Variants in SDK1 observed in about 807,000 individuals in gnomAD.
SDK1 encodes sidekick cell adhesion molecule 1, also known as protein sidekick-1.
In SDK1, 157 loss-of-function variants were observed where a neutral mutation model predicts 245.5. That is an observed-to-expected ratio of 0.64 (90% CI 0.56 to 0.73). The LOEUF is 0.73. SDK1 is among the 30% of genes least tolerant of loss of function. The pLI is 0.00. For missense variants in SDK1, 3,583 were observed against 3,002.3 expected (o/e 1.19, Z -4.52); for synonymous variants, 1,647 against 1,278.5 (o/e 1.29, Z -6.15).
At chr7:3,647,321 C>T (rs1454275797) in intron 4 of SDK1, among the ~76,000 whole-genome samples, 1 of 152,128 alleles carries the variant, frequency 6.6e-6, no homozygotes, top group African/African-American at 2.4e-5. Flanking sequence ...TAACGTCTTC[C>T]AAAGACTTCC....
At chr7:3,635,763 G>T (rs1360274423) in intron 2 of SDK1, among the ~76,000 whole-genome samples, 2 of 152,100 alleles carry the variant, frequency 1.3e-5, no homozygotes, top group African/African-American at 2.4e-5. Context: ...CTGGAGTGCA[G>T]TGGCACGATT....
intron 1 of SDK1, among the ~76,000 whole-genome samples, chr7:3,503,598 G>A (rs1476735233): frequency 1.3e-5 from 2 of 152,082 alleles, no homozygotes; most frequent in African/African-American, 4.8e-5. Flanking sequence ...GAACACTAGA[G>A]ACCAGGGGTT....
intron 12 of SDK1, among the ~76,000 whole-genome samples, chr7:3,973,675 G>C (rs1032879240): frequency 6.6e-6 from 1 of 151,836 alleles, no homozygotes; most frequent in Admixed American, 6.6e-5. Flanking sequence ...AGCATTTACC[G>C]GGGCAGGAAT....
intron 1 of SDK1, among the ~76,000 whole-genome samples, chr7:3,357,693 CCT>C (rs1221593347): frequency 2.6e-5 from 4 of 151,926 alleles, no homozygotes; most frequent in Non-Finnish European, 5.9e-5. Context: ...TCCTTTTTCC[CCT>C]GTCTAGGCCC....
intron 40 of SDK1, among the ~76,000 whole-genome samples, chr7:4,231,975 C>A (rs927381622): frequency 6.6e-6 from 1 of 151,754 alleles, no homozygotes; most frequent in Non-Finnish European, 1.5e-5. Context: ...CATAGCTGCA[C>A]CTAGAAAAGC....
intron 17 of SDK1, among the ~76,000 whole-genome samples, chr7:4,022,129 G>A (rs1412020359): frequency 2.6e-5 from 4 of 152,190 alleles, no homozygotes; most frequent in African/African-American, 9.6e-5. Flanking sequence ...TGAAAAGGGA[G>A]TAATTAAAAC....
chr7:3,904,909 C>A (rs568943007), intron 5 of SDK1, among the ~76,000 whole-genome samples: 212 of 151,568 alleles, frequency 1.4e-3, no homozygotes, highest in Non-Finnish European at 2.4e-3. Context: ...AGGAGAATGG[C>A]GTGAACCCGG....
intron 17 of SDK1, among the ~76,000 whole-genome samples, chr7:4,031,119 A>C (rs1393471852): frequency 6.6e-6 from 1 of 152,168 alleles, no homozygotes; most frequent in Non-Finnish European, 1.5e-5. Flanking sequence ...ACGTATATAT[A>C]CATGGACACA....
chr7:4,006,424 C>A (rs531655228), intron 14 of SDK1, among the ~76,000 whole-genome samples: 24 of 152,314 alleles, frequency 1.6e-4, no homozygotes, highest in Non-Finnish European at 3.2e-4. Flanking sequence ...CTTCTACCTC[C>A]CAGCCTCCAA....
In SDK1 at chr7:3,683,899, A is replaced by G. The variant is rs145685333; in HGVS notation, c.713+41794A>G. On this transcript the variant is annotated intron_variant, in intron 4 of 44. Coordinates refer to ENST00000404826, the MANE Select transcript of SDK1 (RefSeq NM_152744.4). ...CATAGGGCTGGGCAAATTGTGGCCT[A>G]GTAACAAAAAATGTGTTGGCCACTC... 1.2e-4 allele frequency among the ~76,000 whole-genome samples: 18 copies of G among 152,362 alleles called. No homozygotes were observed. In the East Asian group the frequency reaches 3.1e-3, roughly 26 times the overall value.
chr7:3,496,274 G>T (rs1294603898), intron 1 of SDK1, among the ~76,000 whole-genome samples: 1 of 152,084 alleles, frequency 6.6e-6, no homozygotes, highest in Non-Finnish European at 1.5e-5. Context: ...GTCTGGTGTG[G>T]AAGCATGTGT....
intron 44 of SDK1, among the ~76,000 whole-genome samples, chr7:4,264,683 AGATCTCTCCTGAGTGGGGAGGCGGTGTG>A (rs1262420687): frequency 6.9e-6 from 1 of 144,442 alleles, no homozygotes; most frequent in Non-Finnish European, 1.5e-5. Context: ...GAGGCTGCGT[AGATCTCTCCTGAGTGGGGAGGCGGTGTG>A]GACCTCTCCT....
intron 1 of SDK1, among the ~76,000 whole-genome samples, chr7:3,375,502 C>T (rs1306926834): frequency 1.3e-5 from 2 of 152,114 alleles, no homozygotes; most frequent in African/African-American, 2.4e-5. Flanking sequence ...GTAGGGCTGA[C>T]CTGTGTAACC....
intron 5 of SDK1, among the ~76,000 whole-genome samples, chr7:3,899,574 C>T (rs1338716432): frequency 3.3e-5 from 5 of 152,334 alleles, no homozygotes; most frequent in Non-Finnish European, 4.4e-5. Context: ...TGGGCCCTCC[C>T]GAGGTGGCAC....
chr7:3,345,951 T>C (rs751880164), intron 1 of SDK1, among the ~76,000 whole-genome samples: 8 of 152,208 alleles, frequency 5.3e-5, no homozygotes, highest in Admixed American at 6.5e-5. Flanking sequence ...ATTCGGTTCT[T>C]GTTTTCTGTC....
At chr7:4,193,397 T>TATAA (rs1491542284) in intron 35 of SDK1, among the ~76,000 whole-genome samples, 18 of 64,230 alleles carry the variant, frequency 2.8e-4, no homozygotes, top group African/African-American at 9.2e-4. Context: ...TATATATATA[T>TATAA]AAAGGGGAGT....
At chr7:4,068,128 C>A (rs1175387172) in intron 20 of SDK1, among the ~76,000 whole-genome samples, 192 bp downstream of exon 20, 1 of 152,158 alleles carries the variant, frequency 6.6e-6, no homozygotes, top group East Asian at 1.9e-4. Context: ...CCAGCCTGGT[C>A]TGGGGCCCTT....
chr7:3,320,072 C>A (rs1779763727), intron 1 of SDK1, among the ~76,000 whole-genome samples: 1 of 151,506 alleles, frequency 6.6e-6, no homozygotes, highest in Admixed American at 6.6e-5. Flanking sequence ...AATTGTTCTC[C>A]CCAATTTATT....
At chr7:3,984,682 G>T (rs112555449) in intron 13 of SDK1, among the ~76,000 whole-genome samples, 1 of 152,104 alleles carries the variant, frequency 6.6e-6, no homozygotes, top group Admixed American at 6.5e-5. Context: ...CTCCTACTGT[G>T]TGTGTCTGCA....
Sources: allele counts gnomAD v4.1 joint callset (sites outside exome capture counted in the v4.1 genomes callset), GRCh38; gene constraint gnomAD v4.1.1; transcripts MANE v1.5; gene names NCBI Gene and HGNC (gene_info 2026-07-23, HGNC 2026-07-21).